Variants in SYT16 observed in about 807,000 individuals in gnomAD.
SYT16 encodes synaptotagmin 16, also known as synaptotagmin-16.
A neutral mutation model predicts 61.4 loss-of-function variants in SYT16; 42 were observed. That is an observed-to-expected ratio of 0.68 (90% CI 0.53 to 0.89). The LOEUF (loss-of-function observed/expected upper bound fraction) is 0.89. Ranked by LOEUF, SYT16 falls within the 40% of genes least tolerant of loss-of-function variation. The pLI, the probability that SYT16 is intolerant of heterozygous loss-of-function variation, is 0.00. For missense variants in SYT16, 804 were observed against 807.3 expected (o/e 1.00, Z 0.05); for synonymous variants, 314 against 302.3 (o/e 1.04, Z -0.40).
chr14:61,870,151 T>G (rs1387397192), intron 1 of SYT16, among the ~76,000 whole-genome samples: 2 of 152,228 alleles, frequency 1.3e-5, no homozygotes, highest in Non-Finnish European at 2.9e-5. Flanking sequence ...CTTTACTATG[T>G]GCAATGATGC....
intron 1 of SYT16, among the ~76,000 whole-genome samples, chr14:61,859,210 C>G (rs2046887524): frequency 6.6e-6 from 1 of 152,118 alleles, no homozygotes; most frequent in Admixed American, 6.5e-5. Context: ...GAGCTGCAGA[C>G]GTAGACAGCC....
chr14:62,040,999 G>A (rs952837688), intron 3 of SYT16, among the ~76,000 whole-genome samples: 21 of 152,160 alleles, frequency 1.4e-4, no homozygotes, highest in Non-Finnish European at 2.9e-5. Context: ...CCCACAATAG[G>A]CCGTCTGCAA....
At chr14:61,904,580 G>A (rs1307431449) in intron 1 of SYT16, among the ~76,000 whole-genome samples, 3 of 152,204 alleles carry the variant, frequency 2.0e-5, no homozygotes, top group African/African-American at 7.2e-5. Context: ...GCTAATGATT[G>A]TAATGATTTC....
intron 3 of SYT16, 29 bp downstream of exon 3, chr14:61,996,571 C>G (rs61743830): frequency 6.4e-7 from 1 of 1,555,108 alleles, no homozygotes; most frequent in Non-Finnish European, 8.7e-7. Context: ...ATTTTCTCTG[C>G]GTTCCTCCAA....
At chr14:61,922,939 C>G (rs1274445691) in intron 1 of SYT16, among the ~76,000 whole-genome samples, 1 of 151,682 alleles carries the variant, frequency 6.6e-6, no homozygotes. Context: ...ATCCCAGCTG[C>G]TCAGGAGGCT....
chr14:61,932,272 C>T (rs2049803089), intron 1 of SYT16, among the ~76,000 whole-genome samples: 1 of 152,188 alleles, frequency 6.6e-6, no homozygotes, highest in African/African-American at 2.4e-5. Flanking sequence ...GGACCCATGG[C>T]CCCCTTCAGT....
At chr14:61,834,677 T>A (rs1407465538) in intron 1 of SYT16, among the ~76,000 whole-genome samples, 1 of 152,094 alleles carries the variant, frequency 6.6e-6, no homozygotes, top group Non-Finnish European at 1.5e-5. Flanking sequence ...CCTCAGGTGA[T>A]CTGCTTTCCT....
chr14:62,044,460 A>C (rs2054880301), intron 3 of SYT16, among the ~76,000 whole-genome samples: 1 of 149,506 alleles, frequency 6.7e-6, no homozygotes, highest in Non-Finnish European at 1.5e-5. Context: ...TTGCCTCCCC[A>C]CCCCCAACAG....
chr14:61,916,659 G>T (rs2049132241), intron 1 of SYT16, among the ~76,000 whole-genome samples: 1 of 152,080 alleles, frequency 6.6e-6, no homozygotes, highest in South Asian at 2.1e-4. Flanking sequence ...TAGTCACCCT[G>T]CTGTGCTATC....
At chr14:61,856,879 G>A (rs985018072) in intron 1 of SYT16, among the ~76,000 whole-genome samples, 2 of 152,130 alleles carry the variant, frequency 1.3e-5, no homozygotes, top group African/African-American at 2.4e-5. Context: ...ATGAGAAGGA[G>A]CGGTCAATGA....
At chr14:61,929,950 G>A (rs1233521527) in intron 1 of SYT16, among the ~76,000 whole-genome samples, 1 of 152,108 alleles carries the variant, frequency 6.6e-6, no homozygotes, top group Non-Finnish European at 1.5e-5. Context: ...GTGTGCTTAG[G>A]TCACAGAAGT....
chr14:61,978,141 AC>A (rs1231216778), intron 2 of SYT16, among the ~76,000 whole-genome samples: 1 of 152,022 alleles, frequency 6.6e-6, no homozygotes, highest in Non-Finnish European at 1.5e-5. Context: ...GCAATGAAAG[AC>A]CCTTTTTTCA....
At chr14:61,892,479 G>C (rs1594846983) in intron 1 of SYT16, among the ~76,000 whole-genome samples, 2 of 152,124 alleles carry the variant, frequency 1.3e-5, no homozygotes, top group East Asian at 3.9e-4. Context: ...CCTCACCCCA[G>C]CCCTCTCATG....
At chr14:61,907,111 G>A (rs1400031480) in intron 1 of SYT16, among the ~76,000 whole-genome samples, 3 of 152,216 alleles carry the variant, frequency 2.0e-5, no homozygotes. Context: ...TGCTCTAAAG[G>A]CAAGGTGAGC....
In SYT16 at chr14:62,103,956, C is replaced by T. The variant is rs1275050075; in HGVS notation, c.*3249C>T. 2.0e-5 allele frequency: 3 copies of T among 152,334 alleles called. No homozygotes were observed. Among genetic ancestry groups the T allele is most frequent in the East Asian group, 3.9e-4 (2 of 5,186 alleles). The allele number at this position is 152,334 out of a possible 1,614,324, so 9.4% of individuals were successfully genotyped here. ...AGGTGCCAGTGAGCCTGAAACACAG[C>T]TTCTGCCTTTTCAATGTGTAGATTT... On this transcript the variant is annotated 3_prime_UTR_variant, in exon 8 of 8. Coordinates refer to ENST00000683842, the MANE Select transcript of SYT16 (RefSeq NM_001367656.1).
chr14:61,820,392 C>T (rs115970470), intron 1 of SYT16, among the ~76,000 whole-genome samples: 4,155 of 145,726 alleles, frequency 0.029, 118 homozygotes, highest in African/African-American at 0.072. Flanking sequence ...CTCTGGGCTT[C>T]GTGGCCTACC....
intron 3 of SYT16, among the ~76,000 whole-genome samples, chr14:62,051,718 G>C (rs76134318): frequency 1.3e-5 from 2 of 152,064 alleles, no homozygotes; most frequent in East Asian, 1.9e-4. Flanking sequence ...TATCTCAGTC[G>C]ATCTTGTTAG....
chr14:61,976,339 C>A (rs1033508009), intron 2 of SYT16, among the ~76,000 whole-genome samples: 1 of 152,152 alleles, frequency 6.6e-6, no homozygotes, highest in African/African-American at 2.4e-5. Flanking sequence ...GATAGGGGCC[C>A]TCTCCTTACA....
At chr14:61,867,037 T>A (rs578048458) in intron 1 of SYT16, among the ~76,000 whole-genome samples, 202 of 152,112 alleles carry the variant, frequency 1.3e-3, no homozygotes, top group Middle Eastern at 3.4e-3. Context: ...TATCTAGGCA[T>A]TTTTCCTGAA....
Sources: allele counts gnomAD v4.1 joint callset (sites outside exome capture counted in the v4.1 genomes callset), GRCh38; gene constraint gnomAD v4.1.1; transcripts MANE v1.5; gene names NCBI Gene and HGNC (gene_info 2026-07-23, HGNC 2026-07-21).